The following GPC5 variants were observed in gnomAD, a reference collection of about 807,000 sequenced individuals.
The protein encoded by GPC5 is glypican 5, also known as glypican-5.
Under a neutral mutation model 53.9 loss-of-function variants are expected in GPC5, and 47 were observed. The ratio of observed to expected loss-of-function variants is 0.87; its 90% CI spans 0.69 to 1.11. The LOEUF (loss-of-function observed/expected upper bound fraction) is 1.11. Among genes scored for constraint, GPC5 ranks in the 50% most tolerant of loss-of-function variants. The pLI, the probability that GPC5 is intolerant of heterozygous loss-of-function variation, is 0.00. For synonymous variants in GPC5, 286 were observed against 263.3 expected, an observed-to-expected ratio of 1.09 and a Z score of -0.84; for missense variants, 748 against 713.1, an observed-to-expected ratio of 1.05 and a Z score of -0.56.
intron 7 of GPC5, among the ~76,000 whole-genome samples, chr13:92,422,764 C>G (rs1198377531): frequency 6.6e-6 from 1 of 152,112 alleles, no homozygotes; most frequent in Non-Finnish European, 1.5e-5. Flanking sequence ...TGCCATTTTT[C>G]TTTATAATTT....
intron 6 of GPC5, among the ~76,000 whole-genome samples, chr13:92,071,869 TA>T (rs1167185033): frequency 6.8e-6 from 1 of 147,064 alleles, no homozygotes; most frequent in Non-Finnish European, 1.5e-5. Context: ...ATAATATATA[TA>T]AATATTATAT....
chr13:92,112,697 A>G (rs1356715966), intron 6 of GPC5, among the ~76,000 whole-genome samples: 2 of 152,124 alleles, frequency 1.3e-5, no homozygotes, highest in African/African-American at 4.8e-5. Flanking sequence ...TGTTGATCAT[A>G]GGATTGTAAC....
chr13:91,591,634 T>A (rs1276952327), intron 2 of GPC5, among the ~76,000 whole-genome samples: 1 of 152,246 alleles, frequency 6.6e-6, no homozygotes, highest in African/African-American at 2.4e-5. Flanking sequence ...GTTCATTTTT[T>A]AAAATTCCTT....
intron 7 of GPC5, among the ~76,000 whole-genome samples, chr13:92,439,777 A>G (rs1303853496): frequency 6.6e-6 from 1 of 152,184 alleles, no homozygotes; most frequent in Non-Finnish European, 1.5e-5. Flanking sequence ...AGAAGAAAAT[A>G]AGAAAGAAGA....
chr13:92,318,765 G>T (rs768376331), intron 7 of GPC5, among the ~76,000 whole-genome samples: 1 of 152,068 alleles, frequency 6.6e-6, no homozygotes, highest in East Asian at 1.9e-4. Flanking sequence ...TTGCATATAT[G>T]TTCTTACGGT....
At chr13:92,310,415 T>A (rs1398239562) in intron 7 of GPC5, among the ~76,000 whole-genome samples, 2 of 152,204 alleles carry the variant, frequency 1.3e-5, no homozygotes, top group African/African-American at 4.8e-5. Flanking sequence ...TTTATTTCTT[T>A]ATATCCACCA....
intron 2 of GPC5, among the ~76,000 whole-genome samples, chr13:91,603,798 T>G (rs1470299716): frequency 1.3e-5 from 2 of 152,176 alleles, no homozygotes; most frequent in African/African-American, 4.8e-5. Context: ...GATATAGATA[T>G]AAATACATAG....
intron 7 of GPC5, among the ~76,000 whole-genome samples, chr13:92,628,618 T>A (rs1012666421): frequency 3.3e-5 from 5 of 152,088 alleles, no homozygotes; most frequent in African/African-American, 9.7e-5. Context: ...AGCATCACTG[T>A]GACTAAACTG....
At chr13:92,356,675 A>G (rs2043525151) in intron 7 of GPC5, among the ~76,000 whole-genome samples, 1 of 152,206 alleles carries the variant, frequency 6.6e-6, no homozygotes, top group Non-Finnish European at 1.5e-5. Context: ...TCATTTTCAG[A>G]GAAGAGGAAA....
chr13:92,204,715 T>C (rs2042320374), intron 7 of GPC5, among the ~76,000 whole-genome samples: 1 of 152,180 alleles, frequency 6.6e-6, no homozygotes, highest in South Asian at 2.1e-4. Flanking sequence ...AAGAAACACA[T>C]AGGGCAGAGT....
chr13:92,229,302 T>G (rs1000268330), intron 7 of GPC5, among the ~76,000 whole-genome samples: 2 of 152,078 alleles, frequency 1.3e-5, no homozygotes, highest in African/African-American at 4.8e-5. Flanking sequence ...AATACTGTAT[T>G]GATGAGAAAA....
At chr13:92,401,351 T>C (rs1875550370) in intron 7 of GPC5, among the ~76,000 whole-genome samples, 1 of 152,146 alleles carries the variant, frequency 6.6e-6, no homozygotes, top group Non-Finnish European at 1.5e-5. Context: ...TTAATCAAAA[T>C]GACTACTTAC....
At chr13:92,336,711 T>A (rs1411384938) in intron 7 of GPC5, among the ~76,000 whole-genome samples, 1 of 152,148 alleles carries the variant, frequency 6.6e-6, no homozygotes, top group East Asian at 1.9e-4. Context: ...ACAGGTGAAA[T>A]TGTGGAAAGT....
chr13:92,357,041 T>C (rs1202990576), intron 7 of GPC5, among the ~76,000 whole-genome samples: 2 of 148,062 alleles, frequency 1.4e-5, no homozygotes, highest in African/African-American at 5.3e-5. Context: ...TGCAAAGGAG[T>C]TGATCTTGTT....
chr13:92,441,127 A>C (rs1452133304), intron 7 of GPC5, among the ~76,000 whole-genome samples: 3 of 152,012 alleles, frequency 2.0e-5, no homozygotes, highest in Non-Finnish European at 4.4e-5. Context: ...GCTGGGGTGC[A>C]GTGGCACGAT....
chr13:92,137,543 T>C (rs562777110), intron 6 of GPC5, among the ~76,000 whole-genome samples: 1 of 152,250 alleles, frequency 6.6e-6, no homozygotes, highest in South Asian at 2.1e-4. Context: ...ATACTCATAA[T>C]GTGCTAGCAT....
At chr13:91,855,519 G>T (rs962942234) in intron 5 of GPC5, among the ~76,000 whole-genome samples, 2 of 151,578 alleles carry the variant, frequency 1.3e-5, no homozygotes, top group Non-Finnish European at 3.0e-5. Flanking sequence ...AAAATAGTGA[G>T]ATTCTAAATG....
chr13:91,733,205 C>T (rs891513642), intron 4 of GPC5, among the ~76,000 whole-genome samples: 3 of 152,066 alleles, frequency 2.0e-5, no homozygotes, highest in East Asian at 1.9e-4. Context: ...GACACAGTCT[C>T]GGCTCACTGC....
chr13:91,718,031 A>G (rs1315452754), intron 3 of GPC5, among the ~76,000 whole-genome samples: 1 of 152,158 alleles, frequency 6.6e-6, no homozygotes, highest in Non-Finnish European at 1.5e-5. Flanking sequence ...CCCACTGATA[A>G]ATGAAATGGT....
Sources: gnomAD v4.1 joint callset for allele counts (sites outside exome capture counted in the v4.1 genomes callset) on GRCh38, gnomAD v4.1.1 for gene constraint, MANE v1.5 for transcripts, NCBI Gene and HGNC (gene_info 2026-07-23, HGNC 2026-07-21) for gene names.